ADGRB3: variants seen among roughly 807,000 people sequenced by gnomAD.
The protein encoded by ADGRB3 is brain-specific angiogenesis inhibitor 3.
Under a neutral mutation model 193.4 loss-of-function variants are expected in ADGRB3, and 37 were observed. That is an observed-to-expected ratio of 0.19 (90% CI 0.15 to 0.25). ADGRB3 has a LOEUF of 0.25. ADGRB3 is among the 10% of genes least tolerant of loss of function. ADGRB3 has a pLI of 1.00. For missense variants in ADGRB3, 1,637 were observed against 1,852.9 expected (o/e 0.88, Z 2.14); for synonymous variants, 690 against 644.2 (o/e 1.07, Z -1.08).
At chr6:68,838,080 C>T (rs902604148) in intron 3 of ADGRB3, among the ~76,000 whole-genome samples, 1 of 152,112 alleles carries the variant, frequency 6.6e-6, no homozygotes, top group African/African-American at 2.4e-5. Context: ...AAAATACCAG[C>T]CTGGACAATG....
intron 19 of ADGRB3, among the ~76,000 whole-genome samples, chr6:69,236,745 T>C (rs1043085922): frequency 6.6e-6 from 1 of 152,020 alleles, no homozygotes. Flanking sequence ...GGATAGGTGA[T>C]GTGTACATTT....
At chr6:68,669,644 GTGTGTGTA>G (rs774840232) in intron 3 of ADGRB3, among the ~76,000 whole-genome samples, 17 of 146,106 alleles carry the variant, frequency 1.2e-4, no homozygotes, top group African/African-American at 4.5e-4. Context: ...GTGTGTGTGT[GTGTGTGTA>G]TACCAAATTT....
At chr6:69,241,874 G>A (rs979810893) in intron 20 of ADGRB3, among the ~76,000 whole-genome samples, 1 of 151,864 alleles carries the variant, frequency 6.6e-6, no homozygotes, top group Non-Finnish European at 1.5e-5. Flanking sequence ...TATTGATGAA[G>A]AAAATAAGAG....
chr6:68,674,869 T>C (rs116909045), intron 3 of ADGRB3, among the ~76,000 whole-genome samples: 3,392 of 152,294 alleles, frequency 0.022, 63 homozygotes, highest in South Asian at 0.074. Context: ...ATCGTATGTT[T>C]TTCTAAAACT....
At chr6:69,376,767 A>G (rs968533347) in intron 30 of ADGRB3, among the ~76,000 whole-genome samples, 12 of 152,062 alleles carry the variant, frequency 7.9e-5, no homozygotes, top group Admixed American at 2.0e-4. Flanking sequence ...CAGTAAGTGC[A>G]CTCCATTAGG....
chr6:68,719,313 G>A (rs1562004798), intron 3 of ADGRB3, among the ~76,000 whole-genome samples: 1 of 151,692 alleles, frequency 6.6e-6, no homozygotes, highest in African/African-American at 2.4e-5. Flanking sequence ...TATGGCTATG[G>A]AACATTTTAG....
intron 3 of ADGRB3, among the ~76,000 whole-genome samples, chr6:68,909,595 A>G (rs1562081788): frequency 6.6e-6 from 1 of 152,186 alleles, no homozygotes; most frequent in Admixed American, 6.5e-5. Context: ...GAAAATGTTG[A>G]CAGACCTCTC....
intron 17 of ADGRB3, among the ~76,000 whole-genome samples, chr6:69,217,830 T>C (rs1765799060): frequency 1.3e-5 from 2 of 152,132 alleles, no homozygotes; most frequent in African/African-American, 2.4e-5. Flanking sequence ...GAGAGTGAGA[T>C]GTGAACTGGA....
chr6:69,170,936 T>C (rs367688386), intron 17 of ADGRB3, among the ~76,000 whole-genome samples: 1 of 152,306 alleles, frequency 6.6e-6, no homozygotes, highest in East Asian at 1.9e-4. Flanking sequence ...AACTGAAATA[T>C]AATGTAAGCT....
At chr6:68,738,407 A>G (rs1765913912) in intron 3 of ADGRB3, among the ~76,000 whole-genome samples, 2 of 152,144 alleles carry the variant, frequency 1.3e-5, no homozygotes, top group African/African-American at 4.8e-5. Context: ...TGGCCCATAG[A>G]CTGAGAACAG....
chr6:68,933,972 C>G (rs1767418261), intron 4 of ADGRB3, among the ~76,000 whole-genome samples: 1 of 152,028 alleles, frequency 6.6e-6, no homozygotes, highest in Admixed American at 6.6e-5. Context: ...TTATAGTTTA[C>G]TATTTTAATG....
intron 3 of ADGRB3, among the ~76,000 whole-genome samples, chr6:68,695,493 C>A (rs1035625189): frequency 2.6e-5 from 4 of 152,052 alleles, no homozygotes; most frequent in Non-Finnish European, 5.9e-5. Context: ...TTACCAGTCT[C>A]TTATGCTAGT....
intron 5 of ADGRB3, among the ~76,000 whole-genome samples, chr6:68,938,198 G>T (rs1367286268): frequency 6.6e-6 from 1 of 151,308 alleles, no homozygotes; most frequent in Non-Finnish European, 1.5e-5. Flanking sequence ...ACTAGAGCAA[G>T]AAAAAAGCAT....
rs371065287 is a variant in ADGRB3 at position 69,046,298 on chromosome 6, G to T, written c.2108-1887G>T. ...GAAATAACTTTCCTCTAAACCCCAAGACATCAAAAGTTAGAGTTAAGGCAT... is the reference window on the plus strand; with the variant it reads ...GAAATAACTTTCCTCTAAACCCCAATACATCAAAAGTTAGAGTTAAGGCAT... On this transcript the variant is annotated intron_variant, in intron 13 of 31. Transcript: ENST00000370598. 1.2e-3 allele frequency among the ~76,000 whole-genome samples: 188 copies of T among 152,134 alleles called. 1 individual carries two copies. The highest frequency in any genetic ancestry group is 4.5e-3 in the African/African-American group (185 of 41,526).
intron 3 of ADGRB3, among the ~76,000 whole-genome samples, chr6:68,858,158 C>A (rs942394021): frequency 6.6e-6 from 1 of 152,056 alleles, no homozygotes; most frequent in Non-Finnish European, 1.5e-5. Context: ...TACAGTCAGG[C>A]ATGATGTTTC....
At chr6:68,958,425 C>A (rs1156426464) in intron 8 of ADGRB3, among the ~76,000 whole-genome samples, 1 of 152,090 alleles carries the variant, frequency 6.6e-6, no homozygotes, top group Non-Finnish European at 1.5e-5. Flanking sequence ...ATTAAATCAA[C>A]CCCTTCAATA....
intron 23 of ADGRB3, chr6:69,331,773 G>C (rs1561989957): frequency 9.1e-6 from 9 of 985,190 alleles, no homozygotes; most frequent in Non-Finnish European, 1.1e-5. Flanking sequence ...AAACACCAAA[G>C]TATGGTCTTT....
intron 3 of ADGRB3, among the ~76,000 whole-genome samples, chr6:68,849,121 G>A (rs1333755977): frequency 1.3e-5 from 2 of 151,926 alleles, no homozygotes; most frequent in East Asian, 3.9e-4. Flanking sequence ...AATAATATTT[G>A]CCTTAATCGC....
Position 69,011,167 on chromosome 6 carries a change from GTA to G in ADGRB3, c.1930-2861_1930-2860del, listed in dbSNP as rs1554242057. Among the ~76,000 whole-genome samples the G allele has an allele frequency of 1.5e-3, 211 of 143,152 alleles. 1 individual carries two copies. Among genetic ancestry groups the G allele is most frequent in the Middle Eastern group, 3.6e-3 (1 of 276 alleles). 93.9% of individuals were successfully genotyped at this position (143,152 alleles called of 152,430 possible). A position where few individuals can be genotyped will look rare whatever the true frequency, so the allele number is the denominator to read the frequency against. On this transcript the variant is annotated intron_variant, in intron 11 of 31. Transcript: ENST00000370598. ...TGTGTGTGTGTGTGTGTGTGTGTGTGTATATATATATTCTATATGTGTGAGAC... is the reference window on the plus strand; with the variant it reads ...TGTGTGTGTGTGTGTGTGTGTGTGTGTATATATATTCTATATGTGTGAGAC...
Sources: allele counts gnomAD v4.1 joint callset (sites outside exome capture counted in the v4.1 genomes callset), GRCh38; gene constraint gnomAD v4.1.1; transcripts MANE v1.5; gene names NCBI Gene and HGNC (gene_info 2026-07-23, HGNC 2026-07-21).